The following PDZD2 variants were observed in gnomAD, a reference collection of about 807,000 sequenced individuals.
PDZD2 encodes the protein PDZ domain-containing protein 2.
In PDZD2, 90 loss-of-function variants were observed where a neutral mutation model predicts 220.7. The ratio of observed to expected loss-of-function variants is 0.41; its 90% CI spans 0.34 to 0.49. PDZD2 has a LOEUF of 0.49. Among genes scored for constraint, PDZD2 ranks in the 20% least tolerant of loss-of-function variants. The pLI is 0.28. For synonymous variants in PDZD2, 1,375 were observed against 1,450.5 expected, an observed-to-expected ratio of 0.95 and a Z score of 1.18; for missense variants, 3,174 against 3,608.5, an observed-to-expected ratio of 0.88 and a Z score of 3.08.
chr5:32,037,193 T>G (rs766801163), intron 6 of PDZD2, 38 bp from the exon 7 acceptor site: 1 of 1,320,048 alleles, frequency 7.6e-7, no homozygotes, highest in Non-Finnish European at 1.1e-6. Flanking sequence ...ATCGCAGGGC[T>G]GGGCTCTCCC....
Position 31,785,995 on chromosome 5 carries a change from T to G in PDZD2, c.-360-12894T>G, listed in dbSNP as rs1445057276. On this transcript the variant is annotated intron_variant, in intron 1 of 24. Coordinates refer to ENST00000438447, the MANE Select transcript of PDZD2 (RefSeq NM_178140.4). ...CTCGGGGTTAGTATATTCGCCTACC[T>G]CCTCCGAAATCTTTCCTTCTGAATT... is the stretch of plus-strand genomic sequence containing the variant. Among the ~76,000 whole-genome samples the G allele has an allele frequency of 4.6e-5, 7 of 152,108 alleles. No individual in the cohort carries two copies. In the East Asian group the frequency reaches 9.6e-4, roughly 21 times the overall value.
At chr5:31,821,347 T>A (rs1755837321) in intron 2 of PDZD2, among the ~76,000 whole-genome samples, 1 of 151,666 alleles carries the variant, frequency 6.6e-6, no homozygotes, top group African/African-American at 2.4e-5. Context: ...CATGTAATCA[T>A]TAATTTTTCT....
At chr5:31,946,835 C>T (rs923136983) in intron 2 of PDZD2, among the ~76,000 whole-genome samples, 3 of 152,158 alleles carry the variant, frequency 2.0e-5, no homozygotes, top group Admixed American at 6.5e-5. Context: ...CAAGTAGCTG[C>T]GAGTACAGAT....
Position 31,742,533 on chromosome 5 carries a change from TC to T in PDZD2, c.-360-56349del, listed in dbSNP as rs1235789255. On this transcript the variant is annotated intron_variant, in intron 1 of 24. Transcript: ENST00000438447. Reference sequence around the variant, plus strand: ...ACCCTCAGCAACCCCCTCCCCCAACTCCCCCCCTCCCCACCCCATTCCCCCA... The same window carrying T: ...ACCCTCAGCAACCCCCTCCCCCAACTCCCCCCTCCCCACCCCATTCCCCCA... 2.2e-4 allele frequency among the ~76,000 whole-genome samples: 5 copies of T among 22,498 alleles called. No homozygotes were observed. In the South Asian group the frequency reaches 7.4e-3, roughly 33 times the overall value. 14.8% of individuals were successfully genotyped at this position (22,498 alleles called of 152,430 possible).
chr5:31,698,069 AT>A (rs150188542), intron 1 of PDZD2, among the ~76,000 whole-genome samples: 6 of 145,360 alleles, frequency 4.1e-5, no homozygotes, highest in African/African-American at 1.0e-4. Context: ...CACCCAGCTA[AT>A]TTTTTTTTTG....
At chr5:31,934,629 C>T (rs1164469837) in intron 2 of PDZD2, among the ~76,000 whole-genome samples, 1 of 105,734 alleles carries the variant, frequency 9.5e-6, no homozygotes, top group Non-Finnish European at 1.9e-5. Flanking sequence ...AAAAAAAAGA[C>T]TTAAGTCCGG....
chr5:31,980,241 T>C (rs1750182829), intron 2 of PDZD2, among the ~76,000 whole-genome samples: 2 of 152,204 alleles, frequency 1.3e-5, no homozygotes, highest in Admixed American at 6.5e-5. Context: ...CACTAATCTT[T>C]CTGTCTCTAT....
At chr5:31,649,052 G>GT (rs993717898) in intron 1 of PDZD2, among the ~76,000 whole-genome samples, 217 of 151,850 alleles carry the variant, frequency 1.4e-3, no homozygotes, top group Non-Finnish European at 1.3e-3. Flanking sequence ...TTTTTTGTTT[G>GT]TTTTTTTAAG....
intron 1 of PDZD2, among the ~76,000 whole-genome samples, chr5:31,685,594 G>C (rs1746824231): frequency 1.3e-5 from 2 of 152,158 alleles, no homozygotes; most frequent in African/African-American, 4.8e-5. Context: ...TGTTTTCTCA[G>C]CTCACTGCAA....
intron 2 of PDZD2, among the ~76,000 whole-genome samples, chr5:31,818,168 C>T (rs1317135747): frequency 6.6e-6 from 1 of 151,774 alleles, no homozygotes; most frequent in Non-Finnish European, 1.5e-5. Flanking sequence ...GATGGGGTTT[C>T]GCTATGTTAC....
chr5:32,022,762 A>G lies in PDZD2; in HGVS notation c.1407+12280A>G, dbSNP rs1461998051. 2.0e-5 allele frequency among the ~76,000 whole-genome samples: 3 copies of G among 152,218 alleles called. 1 individual carries two copies. Among genetic ancestry groups the G allele is most frequent in the African/African-American group, 4.8e-5 (2 of 41,470 alleles). On this transcript the variant is annotated intron_variant, in intron 6 of 24. Transcript: ENST00000438447. ...GTCTGTCCAGAAATCCACAAAGTCT[A>G]TTGAGCAAAATGTTCAGCCCATGCT... is the stretch of plus-strand genomic sequence containing the variant.
At chr5:32,093,187 G>C (rs1042931304) in intron 21 of PDZD2, among the ~76,000 whole-genome samples, 163 bp downstream of exon 21, 2 of 152,186 alleles carry the variant, frequency 1.3e-5, no homozygotes, top group Admixed American at 1.3e-4. Flanking sequence ...TTGGCCTCAC[G>C]TGCTGCTAGC....
At chr5:31,889,594 G>T (rs533653458) in intron 2 of PDZD2, among the ~76,000 whole-genome samples, 1 of 152,202 alleles carries the variant, frequency 6.6e-6, no homozygotes, top group Non-Finnish European at 1.5e-5. Context: ...TATAAAGGCA[G>T]TGGGAGCCAA....
chr5:32,101,557 C>T (rs1474845363), intron 24 of PDZD2, among the ~76,000 whole-genome samples: 2 of 152,216 alleles, frequency 1.3e-5, no homozygotes, highest in Non-Finnish European at 1.5e-5. Context: ...GACCCCTGTA[C>T]TGCAGCAGTT....
At chr5:31,902,105 G>A (rs573891454) in intron 2 of PDZD2, among the ~76,000 whole-genome samples, 1 of 152,320 alleles carries the variant, frequency 6.6e-6, no homozygotes, top group Non-Finnish European at 1.5e-5. Flanking sequence ...ATATACCTAA[G>A]AGTGGAATTG....
chr5:31,931,535 G>A (rs1452567777), intron 2 of PDZD2, among the ~76,000 whole-genome samples: 2 of 152,144 alleles, frequency 1.3e-5, no homozygotes, highest in Admixed American at 1.3e-4. Context: ...GGAGTTGAGG[G>A]TCTGAGCTCA....
intron 2 of PDZD2, among the ~76,000 whole-genome samples, chr5:31,917,071 A>C (rs1363884834): frequency 6.6e-6 from 1 of 152,210 alleles, no homozygotes; most frequent in African/African-American, 2.4e-5. Context: ...AAGATGGAGG[A>C]AACCAGATGG....
intron 10 of PDZD2, 90 bp from the exon 11 acceptor site, chr5:32,057,565 A>G: frequency 1.3e-6 from 1 of 758,742 alleles, no homozygotes; most frequent in East Asian, 2.4e-5. Flanking sequence ...ATCAGGGACC[A>G]TATGGTATCC....
intron 1 of PDZD2, among the ~76,000 whole-genome samples, chr5:31,645,598 G>A (rs1681864579): frequency 6.6e-6 from 1 of 152,102 alleles, no homozygotes; most frequent in African/African-American, 2.4e-5. Context: ...GCCTCCCGAG[G>A]TGCTGAGATT....
Sources: allele counts gnomAD v4.1 joint callset (sites outside exome capture counted in the v4.1 genomes callset), GRCh38; gene constraint gnomAD v4.1.1; transcripts MANE v1.5; gene names NCBI Gene and HGNC (gene_info 2026-07-23, HGNC 2026-07-21).